CHIC1: variants seen among roughly 807,000 people sequenced by gnomAD.
The protein encoded by CHIC1 is cysteine rich hydrophobic domain 1, also known as cysteine-rich hydrophobic domain-containing protein 1.
A neutral mutation model predicts 18.5 loss-of-function variants in CHIC1; 7 were observed. The observed-to-expected ratio is 0.38, with a 90% CI of 0.22 to 0.71. The LOEUF is 0.71. Among genes scored for constraint, CHIC1 ranks in the 30% least tolerant of loss-of-function variants. The pLI is 0.49. For synonymous variants in CHIC1, 77 were observed against 73.5 expected, an observed-to-expected ratio of 1.05 and a Z score of -0.25; for missense variants, 159 against 176.9, an observed-to-expected ratio of 0.90 and a Z score of 0.57.
intron 3 of CHIC1, among the ~76,000 whole-genome samples, chrX:73,596,104 T>C (rs2057607038): frequency 8.9e-6 from 1 of 111,882 alleles, no homozygotes; most frequent in Admixed American, 9.5e-5. Context: ...GCAAAAATTT[T>C]CTCCCATTCT....
At position 73,612,233 on chromosome X, in the gene CHIC1, A is replaced by G. The variant is rs750276429; in HGVS notation, c.507+27661A>G. On this transcript the variant is annotated intron_variant, in intron 3 of 5. Transcript: ENST00000373502. ...GGAAGGGATCCAGTTTCAGCTTTCT[A>G]CATATGGCTAGCCAGTAGAAAACCA... Among the ~76,000 whole-genome samples, 4 of 112,071 alleles carry G rather than the reference A, an allele frequency of 3.6e-5. No individual in the cohort carries two copies. In the Admixed American group the frequency reaches 3.8e-4, roughly 11 times the overall value.
In CHIC1 at chrX:73,584,206, A is replaced by G. The variant is rs1387543227; in HGVS notation, c.352-211A>G. Among the ~76,000 whole-genome samples, 4 of 110,720 alleles carry G rather than the reference A, an allele frequency of 3.6e-5. No individual in the cohort carries two copies. The Admixed American group carries it at 3.9e-4, about 11-fold the overall frequency. ...TATTGGTGGTCATTTCAGAAGATTGATTTTCAACATCAGGCTAAGTTCTAT... is the reference window on the plus strand; with the variant it reads ...TATTGGTGGTCATTTCAGAAGATTGGTTTTCAACATCAGGCTAAGTTCTAT... On this transcript the variant is annotated intron_variant, in intron 2 of 5. Transcript: ENST00000373502.
At chrX:73,608,031 A>G (rs1261403395) in intron 3 of CHIC1, among the ~76,000 whole-genome samples, 2 of 109,369 alleles carry the variant, frequency 1.8e-5, no homozygotes, top group Non-Finnish European at 3.8e-5. Flanking sequence ...TGAGTGTTTT[A>G]TAGTTGTAGC....
intron 3 of CHIC1, among the ~76,000 whole-genome samples, chrX:73,674,440 C>G (rs2058050474): frequency 8.9e-6 from 1 of 111,954 alleles, no homozygotes; most frequent in African/African-American, 3.2e-5. Context: ...AGAGATTCAA[C>G]TTCTTCCTGG....
At chrX:73,585,318 A>T (rs1278808096) in intron 3 of CHIC1, among the ~76,000 whole-genome samples, 1 of 111,233 alleles carries the variant, frequency 9.0e-6, no homozygotes, top group Non-Finnish European at 1.9e-5. Context: ...AGTACTCATT[A>T]TTTTTTTATC....
intron 3 of CHIC1, among the ~76,000 whole-genome samples, chrX:73,673,223 C>T (rs368670225): frequency 9.0e-6 from 1 of 111,355 alleles, no homozygotes; most frequent in East Asian, 2.8e-4. Flanking sequence ...ATTGACTTGG[C>T]GATGCGGGCT....
At position 73,638,735 on chromosome X, in the gene CHIC1, T is replaced by G. The variant is rs906710994; in HGVS notation, c.508-40591T>G. On this transcript the variant is annotated intron_variant, in intron 3 of 5. Coordinates refer to ENST00000373502, the MANE Select transcript of CHIC1 (RefSeq NM_001039840.4). ...TGTTGTTTCCCTCTTTGTGTCCCTG[T>G]GTTCCTGTTGTTTAACTCCCACTTA... Among the ~76,000 whole-genome samples the G allele has an allele frequency of 2.7e-5, 3 of 111,328 alleles. No individual in the cohort carries two copies. In the South Asian group the frequency reaches 1.1e-3, roughly 42 times the overall value.
chrX:73,633,774 G>A (rs1320552026), intron 3 of CHIC1, among the ~76,000 whole-genome samples: 1 of 109,675 alleles, frequency 9.1e-6, no homozygotes, highest in African/African-American at 3.3e-5. Flanking sequence ...CAAATGATCT[G>A]TCTTTGAGGA....
At chrX:73,650,358 G>A (rs191218802) in intron 3 of CHIC1, among the ~76,000 whole-genome samples, 14 of 110,680 alleles carry the variant, frequency 1.3e-4, no homozygotes, top group Non-Finnish European at 1.9e-4. Context: ...AGGAGATAGA[G>A]ACACAAAAAA....
chrX:73,641,915 T>C (rs1247063137), intron 3 of CHIC1, among the ~76,000 whole-genome samples: 3 of 111,939 alleles, frequency 2.7e-5, no homozygotes, highest in Non-Finnish European at 5.6e-5. Context: ...ATCCAGTCTA[T>C]CATTGTTGGA....
chrX:73,611,090 C>G (rs1367953457), intron 3 of CHIC1, among the ~76,000 whole-genome samples: 1 of 106,866 alleles, frequency 9.4e-6, no homozygotes, highest in Non-Finnish European at 1.9e-5. Flanking sequence ...TACATATGTA[C>G]ACATGTGCCA....
At chrX:73,586,889 A>T (rs1055149958) in intron 3 of CHIC1, among the ~76,000 whole-genome samples, 2 of 112,126 alleles carry the variant, frequency 1.8e-5, no homozygotes, top group Non-Finnish European at 3.8e-5. Flanking sequence ...AGAACCAAAT[A>T]GTAAATATTT....
In CHIC1 at chrX:73,633,181, G is replaced by C. The variant is rs1012279672; in HGVS notation, c.508-46145G>C. On this transcript the variant is annotated intron_variant, in intron 3 of 5. Coordinates refer to ENST00000373502, the MANE Select transcript of CHIC1 (RefSeq NM_001039840.4). ...ATTTCAACTTGAAAAACCTCGTTTA[G>C]CATTTCTTACAAGGCAGATTTACTG... Among the ~76,000 whole-genome samples the C allele has an allele frequency of 1.8e-5, 2 of 111,261 alleles. 1 individual carries two copies. The highest frequency in any genetic ancestry group is 3.8e-5 in the Non-Finnish European group (2 of 53,090).
chrX:73,598,452 G>A (rs1177880528), intron 3 of CHIC1, among the ~76,000 whole-genome samples: 71 of 103,931 alleles, frequency 6.8e-4, no homozygotes, highest in African/African-American at 2.3e-3. Flanking sequence ...TCTAGCATTA[G>A]GTATATCTCC....
At chrX:73,671,983 T>C (rs1472380113) in intron 3 of CHIC1, among the ~76,000 whole-genome samples, 1 of 111,046 alleles carries the variant, frequency 9.0e-6, no homozygotes, top group African/African-American at 3.3e-5. Context: ...TGTGTTCTCA[T>C]TGTTCAGTTC....
At chrX:73,572,587 A>G (rs1464432429) in intron 1 of CHIC1, among the ~76,000 whole-genome samples, 1 of 111,341 alleles carries the variant, frequency 9.0e-6, no homozygotes. Context: ...CCAATGTTGT[A>G]TAAGTGTCCT....
chrX:73,650,044 C>G (rs964084304), intron 3 of CHIC1, among the ~76,000 whole-genome samples: 1 of 112,199 alleles, frequency 8.9e-6, no homozygotes, highest in Non-Finnish European at 1.9e-5. Context: ...ACTCAAAAAC[C>G]ACACAACTAC....
chrX:73,656,992 G>C (rs1276142096), intron 3 of CHIC1, among the ~76,000 whole-genome samples: 1 of 109,980 alleles, frequency 9.1e-6, no homozygotes. Context: ...GTGTTTTGTA[G>C]CTCTCCTTGA....
chrX:73,588,887 G>A (rs955427371), intron 3 of CHIC1, among the ~76,000 whole-genome samples: 1 of 110,063 alleles, frequency 9.1e-6, no homozygotes, highest in Admixed American at 9.7e-5. Context: ...CTGTAAGAGT[G>A]ATATGTAATG....
Sources: gnomAD v4.1 joint callset for allele counts (sites outside exome capture counted in the v4.1 genomes callset) on GRCh38, gnomAD v4.1.1 for gene constraint, MANE v1.5 for transcripts, NCBI Gene and HGNC (gene_info 2026-07-23, HGNC 2026-07-21) for gene names.